CYP3A43: variants seen among roughly 807,000 people sequenced by gnomAD.
CYP3A43 encodes cytochrome P450 3A43.
Under a neutral mutation model 58.0 loss-of-function variants are expected in CYP3A43, and 45 were observed. The observed-to-expected ratio is 0.78, with a 90% CI of 0.61 to 0.99. The LOEUF (loss-of-function observed/expected upper bound fraction) is 0.99, where lower values mean the gene tolerates loss of function less well. Ranked by LOEUF, CYP3A43 falls within the 50% of genes least tolerant of loss-of-function variation. The pLI, the probability that CYP3A43 is intolerant of heterozygous loss-of-function variation, is 0.00. For missense variants in CYP3A43, 593 were observed against 591.9 expected (o/e 1.00, Z -0.02); for synonymous variants, 191 against 201.4 (o/e 0.95, Z 0.44).
At chr7:99,839,375 A>G (rs775504068) in intron 3 of CYP3A43, 1 of 717,712 alleles carries the variant, frequency 1.4e-6, no homozygotes, top group Non-Finnish European at 2.5e-6. Flanking sequence ...AGGAAACTCC[A>G]TGCATATTCA....
At chr7:99,860,967 G>A (rs1167057055) in intron 10 of CYP3A43, among the ~76,000 whole-genome samples, 2 of 152,014 alleles carry the variant, frequency 1.3e-5, no homozygotes, top group African/African-American at 4.8e-5. Flanking sequence ...TCCGCCTCCA[G>A]GGTTCAAGTG....
chr7:99,852,607 G>A (rs750554068), intron 7 of CYP3A43, among the ~76,000 whole-genome samples: 15 of 152,022 alleles, frequency 9.9e-5, no homozygotes, highest in Admixed American at 2.0e-4. Flanking sequence ...ATATTGTAAC[G>A]TACAGAAATA....
chr7:99,828,520 G>C (rs1224890547), intron 1 of CYP3A43, among the ~76,000 whole-genome samples: 1 of 152,032 alleles, frequency 6.6e-6, no homozygotes, highest in Non-Finnish European at 1.5e-5. Flanking sequence ...AATTAGTCAG[G>C]CATGGTGGCA....
chr7:99,839,636 C>T (rs940476551), intron 3 of CYP3A43, among the ~76,000 whole-genome samples: 16 of 151,884 alleles, frequency 1.1e-4, no homozygotes, highest in Admixed American at 3.3e-4. Context: ...CTATAGTGGA[C>T]GCACAAAGAA....
At chr7:99,849,955 ATTTTTTTTTTT>A (rs71515286) in intron 7 of CYP3A43, 3 of 363,670 alleles carry the variant, frequency 8.2e-6, no homozygotes, top group Non-Finnish European at 1.0e-5. Flanking sequence ...CTTCCTCACC[ATTTTTTTTTTT>A]TTTTTTTTTT....
intron 1 of CYP3A43, among the ~76,000 whole-genome samples, chr7:99,829,258 C>T (rs1816746442): frequency 6.6e-6 from 1 of 152,152 alleles, no homozygotes; most frequent in South Asian, 2.1e-4. Flanking sequence ...TTAATACATG[C>T]TGCCAACAAA....
Position 99,845,627 on chromosome 7 carries a change from A to C in CYP3A43, c.318+1385A>C, listed in dbSNP as rs200525315. ...GTGAGCCACCACACCTAACCTGCGC[A>C]TCTGTTTCTCATTCACTGTTTTGTC... On this transcript the variant is annotated intron_variant, in intron 4 of 12. Coordinates refer to ENST00000354829, the MANE Select transcript of CYP3A43 (RefSeq NM_057095.3). 3.3e-5 allele frequency among the ~76,000 whole-genome samples: 5 copies of C among 151,600 alleles called. No individual in the cohort carries two copies. The East Asian group carries it at 9.9e-4, about 30-fold the overall frequency.
At chr7:99,862,065 T>G (rs1165592023) in intron 11 of CYP3A43, among the ~76,000 whole-genome samples, 1 of 151,998 alleles carries the variant, frequency 6.6e-6, no homozygotes, top group Non-Finnish European at 1.5e-5. Flanking sequence ...TTTCTATGCA[T>G]AGACATTTTT....
At position 99,861,657 on chromosome 7, in the gene CYP3A43, C is replaced by T. The variant is rs1296254267; in HGVS notation, c.1071C>T (p.Asp357=). ...YDALVQMEYL[D]MVVNETLRLF... is the part of the protein sequence containing the mutation. ...CCCTGGTACAGATGGAGTACCTTGA[C>T]ATGGTGGTGAATGAAACGCTCAGAT... Residue 357 remains aspartate, a synonymous_variant, in exon 11 of 13, where the codon GAC becomes GAT. Transcript: ENST00000354829. 2 of 1,614,152 alleles carry T rather than the reference C, an allele frequency of 1.2e-6. No homozygotes were observed. The highest frequency in any genetic ancestry group is 1.7e-5 in the Admixed American group (1 of 60,026).
intron 8 of CYP3A43, among the ~76,000 whole-genome samples, chr7:99,855,994 C>T (rs1817964531): frequency 6.6e-6 from 1 of 152,142 alleles, no homozygotes; most frequent in Non-Finnish European, 1.5e-5. Flanking sequence ...CTCTTCCTTT[C>T]AGTAAATTGT....
intron 1 of CYP3A43, among the ~76,000 whole-genome samples, chr7:99,829,468 G>C (rs917264834): frequency 6.6e-6 from 1 of 152,092 alleles, no homozygotes; most frequent in African/African-American, 2.4e-5. Context: ...ACAAAGGCAG[G>C]AAATGTGATT....
At chr7:99,849,726 C>T (rs1817676471) in intron 7 of CYP3A43, 32 bp downstream of exon 7, 1 of 1,533,264 alleles carries the variant, frequency 6.5e-7, no homozygotes, top group Non-Finnish European at 8.7e-7. Context: ...TTCTCTCTCT[C>T]TCTCTCTCTC....
At chr7:99,845,535 G>C (rs1186132205) in intron 4 of CYP3A43, among the ~76,000 whole-genome samples, 1 of 151,088 alleles carries the variant, frequency 6.6e-6, no homozygotes, top group African/African-American at 2.4e-5. Flanking sequence ...TTGGCCAGGC[G>C]GGTCTCAAAC....
chr7:99,842,170 CA>C (rs1817359231), intron 3 of CYP3A43, among the ~76,000 whole-genome samples: 1 of 152,102 alleles, frequency 6.6e-6, no homozygotes, highest in Non-Finnish European at 1.5e-5. Flanking sequence ...CATTTTCTGC[CA>C]AACTAACTCT....
intron 2 of CYP3A43, chr7:99,838,564 G>A (rs1008997006): frequency 5.0e-6 from 4 of 805,050 alleles, no homozygotes; most frequent in Non-Finnish European, 6.8e-6. Context: ...GTTGCTTAGT[G>A]TTCATAGACA....
At chr7:99,858,976 C>T (rs1388038863) in intron 9 of CYP3A43, among the ~76,000 whole-genome samples, 1 of 152,136 alleles carries the variant, frequency 6.6e-6, no homozygotes, top group Non-Finnish European at 1.5e-5. Flanking sequence ...GGATTACACG[C>T]TTGCACCACT....
chr7:99,850,753 ATG>A (rs1484302879), intron 7 of CYP3A43, among the ~76,000 whole-genome samples: 1 of 152,204 alleles, frequency 6.6e-6, no homozygotes, highest in Non-Finnish European at 1.5e-5. Flanking sequence ...ATCATATAAT[ATG>A]TGGTCTTTTG....
chr7:99,844,307 A>C, intron 4 of CYP3A43, 65 bp downstream of exon 4: 1 of 1,501,642 alleles, frequency 6.7e-7, no homozygotes, highest in Non-Finnish European at 9.1e-7. Flanking sequence ...TATTCATGGA[A>C]ACTTGCCCAG....
chr7:99,863,948 G>A (rs2151628890), intron 12 of CYP3A43, among the ~76,000 whole-genome samples: 1 of 148,622 alleles, frequency 6.7e-6, no homozygotes, highest in South Asian at 2.1e-4. Context: ...TTCAGTCTCT[G>A]TGAACTTGAG....
Sources: allele counts gnomAD v4.1 joint callset (sites outside exome capture counted in the v4.1 genomes callset), GRCh38; gene constraint gnomAD v4.1.1; transcripts MANE v1.5; gene names NCBI Gene and HGNC (gene_info 2026-07-23, HGNC 2026-07-21).